ALOX12: variants seen among roughly 807,000 people sequenced by gnomAD.
ALOX12 encodes the protein polyunsaturated fatty acid lipoxygenase ALOX12.
A neutral mutation model predicts 85.5 loss-of-function variants in ALOX12; 62 were observed. That is an observed-to-expected ratio of 0.73 (90% CI 0.59 to 0.90). The LOEUF (loss-of-function observed/expected upper bound fraction) is 0.90, where lower values mean the gene tolerates loss of function less well. Among genes scored for constraint, ALOX12 ranks in the 40% least tolerant of loss-of-function variants. The pLI, the probability that ALOX12 is intolerant of heterozygous loss-of-function variation, is 0.00. For missense variants in ALOX12, 751 were observed against 856.5 expected (o/e 0.88, Z 1.54); for synonymous variants, 299 against 332.7 (o/e 0.90, Z 1.10).
Position 7,010,428 on chromosome 17 carries a change from T to G in ALOX12, c.*5T>G, listed in dbSNP as rs771204688. 3 of 1,609,378 alleles carry G rather than the reference T, an allele frequency of 1.9e-6. No homozygotes were observed. The highest frequency in any genetic ancestry group is 1.1e-5 in the South Asian group (1 of 90,330). On this transcript the variant is annotated 3_prime_UTR_variant, in exon 14 of 14. Coordinates refer to ENST00000251535, the MANE Select transcript of ALOX12 (RefSeq NM_000697.3). The stretch of plus-strand genomic sequence containing the variant: ...GAGAACAGTGTCACCATCTGAGCCC[T>G]AGAGTGACTCTACCTGCAAGATTTC...
At position 6,996,923 on chromosome 17, in the gene ALOX12, G is replaced by C; in HGVS notation, c.233G>C (p.Cys78Ser). ...HHWLVDDAWF[C>S]DRITVQGPGA... ...TGGCTGGTGGACGACGCGTGGTTCT[G>C]CGACCGCATCACGGTGCAGGGCCCT... The change falls in exon 2 of 14, where the codon TGC becomes TCC. Residue 78 changes from cysteine (C) to serine (S), a missense_variant. Coordinates refer to ENST00000251535, the MANE Select transcript of ALOX12 (RefSeq NM_000697.3). 6.8e-6 allele frequency: 11 copies of C among 1,611,852 alleles called. No homozygotes were observed. Among genetic ancestry groups the C allele is most frequent in the Non-Finnish European group, 9.3e-6 (11 of 1,179,062 alleles).
intron 10 of ALOX12, 111 bp downstream of exon 10, chr17:7,006,138 A>C: frequency 1.1e-6 from 1 of 929,358 alleles, no homozygotes; most frequent in South Asian, 1.6e-5. Context: ...CAGAGAACTC[A>C]ATCCTGGGGA....
intron 8 of ALOX12, among the ~76,000 whole-genome samples, chr17:7,003,797 C>A (rs776898624): frequency 1.3e-5 from 2 of 152,092 alleles, no homozygotes. Flanking sequence ...TGGACTTTGG[C>A]CTTTCCGTGA....
chr17:7,005,474 CTTTTT>C (rs35201122), intron 9 of ALOX12, 131 bp downstream of exon 9: 735 of 222,574 alleles, frequency 3.3e-3, no homozygotes, highest in East Asian at 4.1e-3. Context: ...ATACCCATGT[CTTTTT>C]TTTTTTTTTT....
chr17:7,009,718 C>CTT, intron 11 of ALOX12, 29 bp from the exon 12 acceptor site: 1 of 1,581,170 alleles, frequency 6.3e-7, no homozygotes, highest in South Asian at 1.1e-5. Flanking sequence ...TATGCTGTAG[C>CTT]TTCTAACTGC....
At chr17:7,003,055 G>T (rs1413389124) in intron 8 of ALOX12, among the ~76,000 whole-genome samples, 1 of 152,118 alleles carries the variant, frequency 6.6e-6, no homozygotes, top group East Asian at 1.9e-4. Context: ...CTGATGAATG[G>T]AATCTTGGAT....
rs373657143 is a variant in ALOX12 at position 7,010,631 on chromosome 17, T to C, written c.*208T>C. 3.6e-6 allele frequency: 2 copies of C among 558,002 alleles called. No individual in the cohort carries two copies. The highest frequency in any genetic ancestry group is 3.0e-6 in the Non-Finnish European group (1 of 331,960). The allele number at this position is 558,002 out of a possible 1,614,324, so 34.6% of individuals were successfully genotyped here. On this transcript the variant is annotated 3_prime_UTR_variant, in exon 14 of 14. Coordinates refer to ENST00000251535, the MANE Select transcript of ALOX12 (RefSeq NM_000697.3). ...CCTTTTTTACGCTTTGCAGACCGCATAGTCACTGTCTCAACTACTCAGCTC... is the reference window on the plus strand; with the variant it reads ...CCTTTTTTACGCTTTGCAGACCGCACAGTCACTGTCTCAACTACTCAGCTC...
intron 8 of ALOX12, among the ~76,000 whole-genome samples, chr17:7,003,571 T>C (rs1908818043): frequency 6.6e-6 from 1 of 152,006 alleles, no homozygotes; most frequent in Admixed American, 6.6e-5. Context: ...GGACTACAGG[T>C]GTGCACCACC....
chr17:7,008,695 G>A (rs903977759), intron 11 of ALOX12, among the ~76,000 whole-genome samples: 3 of 151,660 alleles, frequency 2.0e-5, no homozygotes, highest in South Asian at 2.1e-4. Flanking sequence ...ACAGTGAGCC[G>A]AGATTGTGCC....
chr17:7,006,050 A>G, intron 10 of ALOX12, 23 bp downstream of exon 10: 1 of 49,764 alleles, frequency 2.0e-5, no homozygotes, highest in Non-Finnish European at 2.5e-5. Flanking sequence ...GAGCTGAGAA[A>G]TGGTGGGGCC....
chr17:6,996,058 G>A lies in ALOX12; in HGVS notation c.-60G>A. On this transcript the variant is annotated 5_prime_UTR_variant, in exon 1 of 14. Transcript: ENST00000251535. ...GTGGCCCCGAGGCGCCGGCAGCCCT[G>A]GGCGGTCCCGGGAATCGCACAGGAC... 8.1e-7 allele frequency: 1 copy of A among 1,236,256 alleles called. No homozygotes were observed. Among genetic ancestry groups the A allele is most frequent in the Non-Finnish European group, 1.0e-6 (1 of 985,904 alleles). 76.6% of individuals were successfully genotyped at this position (1,236,256 alleles called of 1,614,324 possible).
chr17:6,996,692 C>T (rs1320125600), intron 1 of ALOX12, 134 bp from the exon 2 acceptor site: 14 of 1,122,144 alleles, frequency 1.2e-5, no homozygotes, highest in African/African-American at 1.6e-5. Context: ...GCAGGTTGTG[C>T]GGGGGCGGGA....
rs925473482 is a variant in ALOX12 at position 7,009,029 on chromosome 17, G to T, written c.1541-718G>T. 4.6e-5 allele frequency among the ~76,000 whole-genome samples: 7 copies of T among 150,862 alleles called. No homozygotes were observed. The East Asian group carries it at 5.8e-4, about 13-fold the overall frequency. ...GGCCTCCCAAAGTGCTGGGATTACA[G>T]GCATGAGTCACCGACCACGCATCCC... On this transcript the variant is annotated intron_variant, in intron 11 of 13. Coordinates refer to ENST00000251535, the MANE Select transcript of ALOX12 (RefSeq NM_000697.3).
intron 2 of ALOX12, 118 bp downstream of exon 2, chr17:6,997,145 G>T (rs1022375923): frequency 1.9e-5 from 27 of 1,423,722 alleles, no homozygotes; most frequent in Non-Finnish European, 2.3e-5. Flanking sequence ...CAGGGCAGGT[G>T]AAATGTAGGG....
intron 10 of ALOX12, 120 bp from the exon 11 acceptor site, chr17:7,006,366 G>A: frequency 6.8e-7 from 1 of 1,472,688 alleles, no homozygotes; most frequent in Admixed American, 1.9e-5. Context: ...GGCTGAGGAT[G>A]TCCCAAAGGC....
At chr17:6,997,260 C>A (rs1455297000) in intron 2 of ALOX12, 4 of 523,030 alleles carry the variant, frequency 7.6e-6, no homozygotes, top group African/African-American at 6.2e-5. Context: ...AGTAAGTGAT[C>A]TGGAGATCCC....
chr17:7,006,259 G>A (rs1909067693), intron 10 of ALOX12, among the ~76,000 whole-genome samples: 1 of 151,872 alleles, frequency 6.6e-6, no homozygotes, highest in Non-Finnish European at 1.5e-5. Context: ...GGAGGTGTCT[G>A]GAAAAATCAG....
chr17:7,001,478 T>C, intron 7 of ALOX12, 124 bp from the exon 8 acceptor site: 1 of 1,038,488 alleles, frequency 9.6e-7, no homozygotes, highest in South Asian at 1.5e-5. Flanking sequence ...GGGTTCACAG[T>C]CCTCCTGCTA....
Position 7,010,739 on chromosome 17 carries a change from T to G in ALOX12, c.*316T>G, listed in dbSNP as rs1909361455. 4.1e-6 allele frequency: 1 copy of G among 246,324 alleles called. No homozygotes were observed. 15.3% of individuals were successfully genotyped at this position (246,324 alleles called of 1,614,324 possible). A position where few individuals can be genotyped will look rare whatever the true frequency, so the allele number is the denominator to read the frequency against. ...CAATAAAACTTTATGGACACTGAGA[T>G]ATGAATGTTACATCACAAAGTAGTC... On this transcript the variant is annotated 3_prime_UTR_variant, in exon 14 of 14. Transcript: ENST00000251535.
Sources: allele counts gnomAD v4.1 joint callset (sites outside exome capture counted in the v4.1 genomes callset), GRCh38; gene constraint gnomAD v4.1.1; transcripts MANE v1.5; gene names NCBI Gene and HGNC (gene_info 2026-07-23, HGNC 2026-07-21).